The following HIPK2 variants were observed in gnomAD, a reference collection of about 807,000 sequenced individuals.
HIPK2 encodes the protein homeodomain-interacting protein kinase 2.
A neutral mutation model predicts 113.7 loss-of-function variants in HIPK2; 27 were observed. The observed-to-expected ratio is 0.24, with a 90% confidence interval of 0.17 to 0.33. HIPK2 has a LOEUF of 0.33. HIPK2 is among the 10% of genes least tolerant of loss of function. The pLI, the probability that HIPK2 is intolerant of heterozygous loss-of-function variation, is 1.00. For missense variants in HIPK2, 1,257 were observed against 1,588.0 expected, an observed-to-expected ratio of 0.79 and a Z score of 3.54; for synonymous variants, 631 against 642.2, an observed-to-expected ratio of 0.98 and a Z score of 0.26.
chr7:139,665,562 C>A (rs988618958), intron 2 of HIPK2, among the ~76,000 whole-genome samples: 4 of 112,904 alleles, frequency 3.5e-5, no homozygotes, highest in African/African-American at 1.5e-4. Flanking sequence ...CTGGCCACAT[C>A]CATCCATCCA....
At position 139,572,769 on chromosome 7, in the gene HIPK2, C is replaced by CCG; in HGVS notation, c.*157_*158insCG. On this transcript the variant is annotated 3_prime_UTR_variant, in exon 15 of 15. Transcript: ENST00000406875. ...GACCCGTCCCCCTGCCCTCTGCCCC[C>CCG]CCCCCCCCCCCCGCCCCTGCCCCGT... is the stretch of plus-strand genomic sequence containing the variant. 6 of 61,438 alleles carry CCG rather than the reference C, an allele frequency of 9.8e-5. 3 individuals carry two copies. The highest frequency in any genetic ancestry group is 1.6e-3 in the South Asian group (2 of 1,268). The allele number at this position is 61,438 out of a possible 1,614,324, so 3.8% of individuals were successfully genotyped here.
At chr7:139,668,282 C>T (rs1372524775) in intron 2 of HIPK2, among the ~76,000 whole-genome samples, 1 of 151,926 alleles carries the variant, frequency 6.6e-6, no homozygotes, top group Non-Finnish European at 1.5e-5. Flanking sequence ...GATTTACTGG[C>T]CGAGTGCAGT....
At chr7:139,706,301 G>C (rs527249718) in intron 2 of HIPK2, among the ~76,000 whole-genome samples, 1 of 152,168 alleles carries the variant, frequency 6.6e-6, no homozygotes, top group Non-Finnish European at 1.5e-5. Flanking sequence ...AGGCGGAAGC[G>C]GGCGGCCCCT....
chr7:139,622,064 C>T (rs1281701075), intron 6 of HIPK2, among the ~76,000 whole-genome samples: 2 of 151,810 alleles, frequency 1.3e-5, no homozygotes, highest in African/African-American at 4.8e-5. Flanking sequence ...GGATTACAAA[C>T]GTGTACTACT....
intron 4 of HIPK2, among the ~76,000 whole-genome samples, chr7:139,629,306 A>G (rs1260390863): frequency 6.6e-6 from 1 of 152,208 alleles, no homozygotes; most frequent in Non-Finnish European, 1.5e-5. Flanking sequence ...TGATCAAGGT[A>G]TGCCACATCC....
At chr7:139,652,593 T>C (rs1415294011) in intron 2 of HIPK2, among the ~76,000 whole-genome samples, 2 of 152,196 alleles carry the variant, frequency 1.3e-5, no homozygotes, top group African/African-American at 2.4e-5. Context: ...TCAATAAACA[T>C]GTATTGAGCA....
intron 10 of HIPK2, 163 bp downstream of exon 10, chr7:139,603,918 G>A (rs187565827): frequency 2.8e-6 from 1 of 357,404 alleles, no homozygotes; most frequent in East Asian, 1.6e-4. Flanking sequence ...ATTGCTTCTT[G>A]TTACCCTGCA....
chr7:139,744,896 T>A (rs943265732), intron 1 of HIPK2, among the ~76,000 whole-genome samples: 5 of 152,200 alleles, frequency 3.3e-5, no homozygotes, highest in African/African-American at 1.2e-4. Flanking sequence ...GGACAAAGGA[T>A]CACTGACCTA....
At chr7:139,652,866 G>A (rs924792868) in intron 2 of HIPK2, among the ~76,000 whole-genome samples, 2 of 152,106 alleles carry the variant, frequency 1.3e-5, no homozygotes, top group Admixed American at 6.5e-5. Context: ...GTTCAGGGCC[G>A]GCACGGTGGC....
At chr7:139,645,849 G>A (rs1326032038) in intron 2 of HIPK2, among the ~76,000 whole-genome samples, 2 of 152,146 alleles carry the variant, frequency 1.3e-5, no homozygotes, top group African/African-American at 2.4e-5. Flanking sequence ...GCTGTGGTCC[G>A]GACAAGAGCG....
chr7:139,683,355 C>T lies in HIPK2; in HGVS notation c.1103+32577G>A, dbSNP rs781579429. Among the ~76,000 whole-genome samples the T allele has an allele frequency of 1.3e-5, 2 of 152,128 alleles. No homozygotes were observed. The highest frequency in any genetic ancestry group is 6.5e-5 in the Admixed American group (1 of 15,268). On this transcript the variant is annotated intron_variant, in intron 2 of 14. Transcript: ENST00000406875. This position sits in a 1 kb window ranked among gnomAD's most constrained non-coding sequence, Gnocchi z 4.2. The stretch of plus-strand genomic sequence containing the variant: ...GCCAGTGCTTCAGCAGCGGCCTAGC[C>T]GGGTCTGGTGCAGGGTCCCTCATGA...
At chr7:139,694,266 T>C (rs1445849814) in intron 2 of HIPK2, among the ~76,000 whole-genome samples, 1 of 152,194 alleles carries the variant, frequency 6.6e-6, no homozygotes, top group Admixed American at 6.5e-5. Context: ...TGCTCCACTC[T>C]GCCAGAGACA....
At chr7:139,582,235 C>A (rs1798690185) in intron 13 of HIPK2, among the ~76,000 whole-genome samples, 1 of 152,258 alleles carries the variant, frequency 6.6e-6, no homozygotes, top group Non-Finnish European at 1.5e-5. Flanking sequence ...AGGGCTCCAG[C>A]CTGCTTCTCT....
intron 12 of HIPK2, among the ~76,000 whole-genome samples, chr7:139,592,759 A>G (rs978084100): frequency 3.3e-5 from 5 of 152,208 alleles, no homozygotes; most frequent in African/African-American, 1.2e-4. Context: ...TGCTTTTCTA[A>G]TCGAAATTGT....
intron 2 of HIPK2, among the ~76,000 whole-genome samples, chr7:139,697,219 T>C (rs924860059): frequency 6.6e-6 from 1 of 152,190 alleles, no homozygotes; most frequent in Non-Finnish European, 1.5e-5. Flanking sequence ...GTTCTTCAGA[T>C]AACACCACCA....
chr7:139,733,377 G>A (rs1352239589), intron 1 of HIPK2, among the ~76,000 whole-genome samples: 6 of 152,166 alleles, frequency 3.9e-5, no homozygotes, highest in African/African-American at 7.2e-5. Context: ...TACTTTCAAA[G>A]CTTCTGCATC....
chr7:139,744,750 T>TA, intron 1 of HIPK2, among the ~76,000 whole-genome samples: 1 of 152,332 alleles, frequency 6.6e-6, no homozygotes, highest in East Asian at 1.9e-4. Context: ...GTGACGGACT[T>TA]ACGGCAAGTG....
chr7:139,669,448 G>C (rs1323053779), intron 2 of HIPK2, among the ~76,000 whole-genome samples: 3 of 152,166 alleles, frequency 2.0e-5, no homozygotes, highest in Non-Finnish European at 4.4e-5. Context: ...TTAAAAAGTT[G>C]TCTTCTTGAA....
intron 2 of HIPK2, among the ~76,000 whole-genome samples, chr7:139,701,061 C>A (rs1049353055): frequency 6.6e-6 from 1 of 152,234 alleles, no homozygotes; most frequent in Admixed American, 6.5e-5. Flanking sequence ...CAGCACCAAA[C>A]TAACTGGGAC....
Sources: gnomAD v4.1 joint callset for allele counts (sites outside exome capture counted in the v4.1 genomes callset) on GRCh38, gnomAD v4.1.1 for gene constraint, Gnocchi (gnomAD v3.1) non-coding constraint, MANE v1.5 for transcripts, NCBI Gene and HGNC (gene_info 2026-07-23, HGNC 2026-07-21) for gene names.